SSBP3: variants seen among roughly 807,000 people sequenced by gnomAD.
SSBP3 encodes single stranded DNA binding protein 3.
A neutral mutation model predicts 69.6 loss-of-function variants in SSBP3; 5 were observed. The observed-to-expected ratio is 0.07, with a 90% CI of 0.04 to 0.15. The LOEUF (loss-of-function observed/expected upper bound fraction) is 0.15, where lower values mean the gene tolerates loss of function less well. SSBP3 is among the 10% of genes least tolerant of loss of function. The pLI is 1.00. For missense variants in SSBP3, 312 were observed against 534.0 expected (o/e 0.58, Z 4.10); for synonymous variants, 196 against 193.4 (o/e 1.01, Z -0.11).
At chr1:54,346,073 G>T (rs911768005) in intron 4 of SSBP3, among the ~76,000 whole-genome samples, 2 of 151,988 alleles carry the variant, frequency 1.3e-5, no homozygotes, top group African/African-American at 4.8e-5. Flanking sequence ...TGAGACAGGA[G>T]AATCGCTTGA....
At chr1:54,330,263 C>A (rs1156352307) in intron 4 of SSBP3, among the ~76,000 whole-genome samples, 1 of 152,156 alleles carries the variant, frequency 6.6e-6, no homozygotes, top group East Asian at 1.9e-4. Flanking sequence ...GGAGGACCAG[C>A]CCAAAGGGCA....
At chr1:54,325,381 A>T (rs769039562) in intron 4 of SSBP3, 1 of 167,156 alleles carries the variant, frequency 6.0e-6, no homozygotes, top group Non-Finnish European at 1.5e-5. Flanking sequence ...CTCTAGGCCC[A>T]AGCATCATGG....
chr1:54,252,833 G>C (rs1255310571), intron 7 of SSBP3, among the ~76,000 whole-genome samples: 1 of 152,248 alleles, frequency 6.6e-6, no homozygotes, highest in Non-Finnish European at 1.5e-5. Context: ...TTGCCTTCGA[G>C]AGGAAAAGCC....
chr1:54,334,371 A>T (rs1165368181), intron 4 of SSBP3, among the ~76,000 whole-genome samples: 1 of 152,072 alleles, frequency 6.6e-6, no homozygotes, highest in South Asian at 2.1e-4. Flanking sequence ...ATAAATAAAT[A>T]AATTTCAAAA....
At chr1:54,290,343 C>T (rs1208092722) in intron 4 of SSBP3, among the ~76,000 whole-genome samples, 21 of 152,190 alleles carry the variant, frequency 1.4e-4, no homozygotes, top group Admixed American at 1.4e-3. Context: ...CAGACTCAGC[C>T]AAGGTACGGG....
intron 4 of SSBP3, among the ~76,000 whole-genome samples, chr1:54,369,901 G>T (rs186610935): frequency 6.6e-6 from 1 of 151,964 alleles, no homozygotes; most frequent in African/African-American, 2.4e-5. Flanking sequence ...TGCCTCTCTC[G>T]GGATCCCCAT....
chr1:54,339,652 C>T (rs1646572011), intron 4 of SSBP3, among the ~76,000 whole-genome samples: 2 of 152,074 alleles, frequency 1.3e-5, no homozygotes, highest in African/African-American at 2.4e-5. Context: ...GTGGCTCACA[C>T]CTATAATCCT....
chr1:54,316,551 GA>G (rs1646102099), intron 4 of SSBP3, among the ~76,000 whole-genome samples: 1 of 147,192 alleles, frequency 6.8e-6, no homozygotes, highest in South Asian at 2.2e-4. Context: ...TGAGGCAGGA[GA>G]ATGGCGTGAA....
At chr1:54,290,737 C>T (rs1342169212) in intron 4 of SSBP3, among the ~76,000 whole-genome samples, 1 of 152,220 alleles carries the variant, frequency 6.6e-6, no homozygotes, top group Non-Finnish European at 1.5e-5. Flanking sequence ...GCAGATACCT[C>T]CCATCTGGGC....
intron 4 of SSBP3, among the ~76,000 whole-genome samples, chr1:54,389,853 T>C (rs1289940694): frequency 6.6e-6 from 1 of 151,680 alleles, no homozygotes; most frequent in African/African-American, 2.4e-5. Flanking sequence ...CACTCCAGCC[T>C]GGGCAACACA....
At chr1:54,318,890 C>T (rs908710886) in intron 4 of SSBP3, among the ~76,000 whole-genome samples, 4 of 152,214 alleles carry the variant, frequency 2.6e-5, no homozygotes, top group Admixed American at 2.0e-4. Context: ...GTCGTCCTTT[C>T]CCAGGATGTA....
chr1:54,226,093 G>A (rs74610164), exon 18 of SSBP3: 11 of 152,268 alleles, frequency 7.2e-5, no homozygotes, highest in African/African-American at 2.7e-4. Context: ...CATGTCCCAG[G>A]TCATAGCCAT....
chr1:54,308,368 A>G lies in SSBP3; in HGVS notation c.277-26841T>C, dbSNP rs12058833. Among the ~76,000 whole-genome samples, 1,048 of 152,146 alleles carry G rather than the reference A, an allele frequency of 6.9e-3. 13 individuals carry two copies. Among genetic ancestry groups the G allele is most frequent in the African/African-American group, 0.024 (998 of 41,540 alleles). ...TGTAATCCCAGCACTTTGGGAGGCC[A>G]AGGTGGGTGGATCATGAGGTCAGGA... On this transcript the variant is annotated intron_variant, in intron 4 of 17. Coordinates refer to ENST00000610401, the Ensembl canonical transcript of SSBP3.
At chr1:54,315,389 C>T (rs1183527277) in intron 4 of SSBP3, among the ~76,000 whole-genome samples, 5 of 152,148 alleles carry the variant, frequency 3.3e-5, no homozygotes, top group Admixed American at 6.5e-5. Flanking sequence ...TCACCACACA[C>T]CACTTGGTAC....
At chr1:54,343,350 A>G (rs775680680) in intron 4 of SSBP3, among the ~76,000 whole-genome samples, 1 of 152,212 alleles carries the variant, frequency 6.6e-6, no homozygotes, top group Non-Finnish European at 1.5e-5. Context: ...TCATCTGTGA[A>G]CAGGGGTGGT....
At chr1:54,352,458 C>T (rs903880735) in intron 4 of SSBP3, among the ~76,000 whole-genome samples, 3 of 152,188 alleles carry the variant, frequency 2.0e-5, no homozygotes, top group Admixed American at 2.0e-4. Context: ...CTGTCAGAAA[C>T]GGTCCCCACT....
chr1:54,288,057 T>G (rs113286553), intron 4 of SSBP3, among the ~76,000 whole-genome samples: 3 of 152,108 alleles, frequency 2.0e-5, no homozygotes, highest in African/African-American at 7.2e-5. Context: ...GGTCCAACAG[T>G]AGATGCCCCA....
intron 4 of SSBP3, among the ~76,000 whole-genome samples, chr1:54,336,067 T>A (rs1466400705): frequency 6.6e-6 from 1 of 152,232 alleles, no homozygotes; most frequent in Non-Finnish European, 1.5e-5. Context: ...CTACTACATC[T>A]GCAGAAAGAA....
At chr1:54,293,447 G>A (rs12034214) in intron 4 of SSBP3, among the ~76,000 whole-genome samples, 5,991 of 152,260 alleles carry the variant, frequency 0.039, 387 homozygotes, top group Admixed American at 0.18. Flanking sequence ...GCCACCCATC[G>A]ATATGGTATT....
Sources: allele counts gnomAD v4.1 joint callset (sites outside exome capture counted in the v4.1 genomes callset), GRCh38; gene constraint gnomAD v4.1.1; transcripts MANE v1.5; gene names NCBI Gene and HGNC (gene_info 2026-07-23, HGNC 2026-07-21).